Variants in ARSB observed in about 807,000 individuals in gnomAD.
ARSB encodes the protein N-acetylgalactosamine-4-sulfatase.
Under a neutral mutation model 50.9 loss-of-function variants are expected in ARSB, and 41 were observed. The observed-to-expected ratio is 0.81, with a 90% CI of 0.63 to 1.04. ARSB has a LOEUF of 1.04. ARSB is among the 50% of genes least tolerant of loss of function. The pLI is 0.00. For missense variants in ARSB, 672 were observed against 693.3 expected, an observed-to-expected ratio of 0.97 and a Z score of 0.35; for synonymous variants, 269 against 284.8, an observed-to-expected ratio of 0.94 and a Z score of 0.56.
upstream of ARSB, chr5:78,985,639 G>C (rs2112585245): frequency 6.3e-6 from 1 of 157,922 alleles, no homozygotes; most frequent in Middle Eastern, 3.0e-3. Context: ...TGTAAAGCCT[G>C]CAACAACTCT....
At chr5:78,980,844 AT>A (rs996668635) in intron 1 of ARSB, among the ~76,000 whole-genome samples, 1 of 151,474 alleles carries the variant, frequency 6.6e-6, no homozygotes, top group South Asian at 2.1e-4. Flanking sequence ...TAAAATACGG[AT>A]TTTTTTAAAG....
At chr5:78,859,557 A>G (rs1746325650) in intron 5 of ARSB, among the ~76,000 whole-genome samples, 1 of 152,158 alleles carries the variant, frequency 6.6e-6, no homozygotes, top group African/African-American at 2.4e-5. Flanking sequence ...CCATATGCCA[A>G]AGTCCCAAGG....
At chr5:78,822,693 A>G (rs999837012) in intron 6 of ARSB, among the ~76,000 whole-genome samples, 3 of 152,188 alleles carry the variant, frequency 2.0e-5, no homozygotes, top group African/African-American at 7.2e-5. Context: ...GCTGGAGTGC[A>G]GTGGCGTGAT....
intron 4 of ARSB, among the ~76,000 whole-genome samples, chr5:78,887,608 T>C (rs1440842352): frequency 1.3e-5 from 2 of 152,238 alleles, no homozygotes; most frequent in Non-Finnish European, 2.9e-5. Flanking sequence ...GCTCAATACA[T>C]GGTAGTAACT....
intron 6 of ARSB, among the ~76,000 whole-genome samples, chr5:78,812,520 C>T (rs556711216): frequency 3.3e-4 from 50 of 150,628 alleles, no homozygotes; most frequent in Admixed American, 1.6e-3. Context: ...AATGCTAATA[C>T]GATTAAAATG....
intron 5 of ARSB, among the ~76,000 whole-genome samples, chr5:78,870,636 A>G (rs1747097721): frequency 1.3e-5 from 2 of 151,688 alleles, no homozygotes; most frequent in South Asian, 4.2e-4. Context: ...AAAAACTCTC[A>G]ATAAATTAGG....
intron 4 of ARSB, among the ~76,000 whole-genome samples, chr5:78,949,059 C>T (rs80136144): frequency 0.023 from 3,576 of 152,262 alleles, 139 homozygotes; most frequent in African/African-American, 0.08. Flanking sequence ...CAATGTTGTG[C>T]AGCCATCACC....
intron 6 of ARSB, among the ~76,000 whole-genome samples, chr5:78,808,789 C>A (rs758798347): frequency 5.3e-5 from 8 of 152,244 alleles, no homozygotes; most frequent in Non-Finnish European, 8.8e-5. Context: ...CTGGTGCCCC[C>A]ACCCTGTTTG....
At chr5:78,953,461 C>A (rs1018263565) in intron 4 of ARSB, among the ~76,000 whole-genome samples, 1 of 152,204 alleles carries the variant, frequency 6.6e-6, no homozygotes, top group African/African-American at 2.4e-5. Context: ...TGAACTAATT[C>A]GCATGAAACA....
At chr5:78,906,784 C>T (rs1580039505) in intron 4 of ARSB, among the ~76,000 whole-genome samples, 1 of 152,196 alleles carries the variant, frequency 6.6e-6, no homozygotes, top group African/African-American at 2.4e-5. Context: ...TTGACTTCCT[C>T]CATCCTGGTG....
Position 78,964,610 on chromosome 5 carries a change from C to A in ARSB, c.500-4G>T, listed in dbSNP as rs2112514576. ...TCTTCACTACCCAGGAGATATCCTG[C>A]AAGAATGGAAGACGAAAATAGTCAG... On this transcript the variant is annotated splice_region_variant and splice_polypyrimidine_tract_variant and intron_variant, in intron 2 of 7. Transcript: ENST00000264914. The A allele has an allele frequency of 1.9e-6, 3 of 1,612,650 alleles. No homozygotes were observed. Among genetic ancestry groups the A allele is most frequent in the Non-Finnish European group, 2.5e-6 (3 of 1,179,698 alleles).
intron 6 of ARSB, among the ~76,000 whole-genome samples, chr5:78,813,672 A>G (rs1743893113): frequency 1.3e-5 from 2 of 152,058 alleles, no homozygotes; most frequent in South Asian, 4.1e-4. Flanking sequence ...TGGGAGGATC[A>G]CTTGAGCCAG....
At chr5:78,859,115 G>A (rs1297615719) in intron 5 of ARSB, among the ~76,000 whole-genome samples, 1 of 152,110 alleles carries the variant, frequency 6.6e-6, no homozygotes, top group Non-Finnish European at 1.5e-5. Context: ...TGTATGGGGG[G>A]CAGGTGATAT....
intron 4 of ARSB, among the ~76,000 whole-genome samples, chr5:78,944,734 C>T (rs1411794924): frequency 2.0e-5 from 3 of 152,208 alleles, no homozygotes; most frequent in African/African-American, 7.2e-5. Context: ...CAGGGACCCA[C>T]TTGAGGAGGC....
At chr5:78,806,972 T>TG (rs1378508323) in intron 6 of ARSB, among the ~76,000 whole-genome samples, 1 of 152,230 alleles carries the variant, frequency 6.6e-6, no homozygotes, top group Non-Finnish European at 1.5e-5. Flanking sequence ...TAGCTACTCT[T>TG]TCTCCACTTT....
intron 6 of ARSB, among the ~76,000 whole-genome samples, chr5:78,800,175 G>T (rs1255623837): frequency 6.6e-6 from 1 of 152,006 alleles, no homozygotes; most frequent in Non-Finnish European, 1.5e-5. Context: ...AAAATTAGCT[G>T]GGCGTGGTGG....
In ARSB at chr5:78,917,714, T is replaced by C. The variant is rs553883727; in HGVS notation, c.899-31887A>G. ...TTTCAGTAAAGACGAGGTTTTGCCA[T>C]GTTGGCCAGGCTGGTCTCGAATTCC... On this transcript the variant is annotated intron_variant, in intron 4 of 7. Transcript: ENST00000264914. 2.0e-4 allele frequency among the ~76,000 whole-genome samples: 31 copies of C among 152,288 alleles called. No homozygotes were observed. The South Asian group carries it at 3.1e-3, about 15-fold the overall frequency.
chr5:78,895,871 G>T (rs1446427661), intron 4 of ARSB, among the ~76,000 whole-genome samples: 1 of 152,206 alleles, frequency 6.6e-6, no homozygotes, highest in East Asian at 1.9e-4. Context: ...GACTGGAAAC[G>T]AAGCTAAAGG....
chr5:78,782,102 C>T, intron 6 of ARSB, 128 bp from the exon 7 acceptor site: 1 of 1,167,944 alleles, frequency 8.6e-7, no homozygotes, highest in Non-Finnish European at 1.3e-6. Context: ...TATCTTGCCA[C>T]AGAAATGAAT....
Sources: gnomAD v4.1 joint callset for allele counts (sites outside exome capture counted in the v4.1 genomes callset) on GRCh38, gnomAD v4.1.1 for gene constraint, MANE v1.5 for transcripts, NCBI Gene and HGNC (gene_info 2026-07-23, HGNC 2026-07-21) for gene names.